The following SHISA9 variants were observed in gnomAD, a reference collection of about 807,000 sequenced individuals.
SHISA9 encodes shisa family member 9, also known as protein shisa-9.
A neutral mutation model predicts 38.0 loss-of-function variants in SHISA9; 13 were observed. That is an observed-to-expected ratio of 0.34 (90% CI 0.22 to 0.54). The LOEUF is 0.54. Ranked by LOEUF, SHISA9 falls within the 20% of genes least tolerant of loss-of-function variation. The pLI is 0.91. For synonymous variants in SHISA9, 275 were observed against 242.0 expected, an observed-to-expected ratio of 1.14 and a Z score of -1.27; for missense variants, 538 against 575.8, an observed-to-expected ratio of 0.93 and a Z score of 0.67.
At chr16:13,225,622 A>C (rs2051271342) in intron 4 of SHISA9, among the ~76,000 whole-genome samples, 1 of 152,194 alleles carries the variant, frequency 6.6e-6, no homozygotes, top group African/African-American at 2.4e-5. Flanking sequence ...TATTACCAAG[A>C]AAGAATGAGT....
intron 2 of SHISA9, among the ~76,000 whole-genome samples, chr16:13,004,112 T>C (rs546253713): frequency 6.6e-6 from 1 of 152,248 alleles, no homozygotes; most frequent in Admixed American, 6.5e-5. Flanking sequence ...TTTCCACCTG[T>C]TGAGGAGGTG....
intron 1 of SHISA9, 145 bp downstream of exon 1, chr16:12,902,772 A>G (rs1376965144): frequency 6.8e-6 from 6 of 888,138 alleles, no homozygotes; most frequent in East Asian, 2.6e-5. Flanking sequence ...CGGGAAGCCA[A>G]CTTCGGCTTG....
At chr16:13,109,620 A>G (rs1038502271) in intron 2 of SHISA9, among the ~76,000 whole-genome samples, 1 of 152,214 alleles carries the variant, frequency 6.6e-6, no homozygotes, top group African/African-American at 2.4e-5. Flanking sequence ...TGCAACTATC[A>G]TGAGCATCCA....
intron 2 of SHISA9, among the ~76,000 whole-genome samples, chr16:13,181,267 T>TTA (rs1156705123): frequency 0.032 from 2,499 of 79,006 alleles, 49 homozygotes; most frequent in Non-Finnish European, 0.045. Context: ...AAATAAAATT[T>TTA]TATATATATA....
At chr16:13,249,909 T>A in the SHISA9 span, among the ~76,000 whole-genome samples, 1 of 152,162 alleles carries the variant, frequency 6.6e-6, no homozygotes, top group African/African-American at 2.4e-5. Context: ...ATTTTTAAAT[T>A]TTTTTGTAGA....
At chr16:12,908,596 G>A in intron 1 of SHISA9, 1 of 1,551,598 alleles carries the variant, frequency 6.4e-7, no homozygotes, top group Non-Finnish European at 8.7e-7. Flanking sequence ...ACGGATCCTT[G>A]GCCGCTAGGC....
chr16:13,047,103 G>T (rs1437211453), intron 2 of SHISA9, among the ~76,000 whole-genome samples: 1 of 152,088 alleles, frequency 6.6e-6, no homozygotes, highest in Admixed American at 6.6e-5. Context: ...AACCGAAAAA[G>T]GCTAGAAGTT....
the SHISA9 span, among the ~76,000 whole-genome samples, chr16:13,257,803 G>T: frequency 6.6e-6 from 1 of 152,140 alleles, no homozygotes; most frequent in Admixed American, 6.5e-5. Context: ...CTACTTAGAA[G>T]CTGATGAAAT....
At chr16:13,037,099 CA>C (rs2073080359) in intron 2 of SHISA9, among the ~76,000 whole-genome samples, 1 of 71,800 alleles carries the variant, frequency 1.4e-5, no homozygotes, top group African/African-American at 6.2e-5. Context: ...CACACACACA[CA>C]CACACACAGA....
chr16:13,372,887 C>A, the SHISA9 span, among the ~76,000 whole-genome samples: 1 of 150,510 alleles, frequency 6.6e-6, no homozygotes, highest in Non-Finnish European at 1.5e-5. Flanking sequence ...TATTAATTGA[C>A]CCTTTCATAT....
chr16:13,394,130 C>T, the SHISA9 span, among the ~76,000 whole-genome samples: 2 of 152,170 alleles, frequency 1.3e-5, no homozygotes, highest in African/African-American at 4.8e-5. Context: ...TTCCACTCAC[C>T]TTCTTGCATT....
chr16:13,422,793 C>T, the SHISA9 span, among the ~76,000 whole-genome samples: 4 of 152,180 alleles, frequency 2.6e-5, no homozygotes, highest in Non-Finnish European at 5.9e-5. Flanking sequence ...GAATGTTGAT[C>T]CTGTAATTTT....
chr16:13,285,473 T>G, the SHISA9 span, among the ~76,000 whole-genome samples: 1 of 149,276 alleles, frequency 6.7e-6, no homozygotes, highest in South Asian at 2.1e-4. Context: ...TTTTTTTTTT[T>G]TTTTTTTTTT....
intron 1 of SHISA9, 128 bp from the exon 2 acceptor site, chr16:12,916,560 C>G: frequency 8.9e-7 from 1 of 1,127,238 alleles, no homozygotes; most frequent in South Asian, 1.7e-5. Context: ...CTACTCCACC[C>G]CTAACTAGAA....
chr16:13,355,166 G>C, the SHISA9 span, among the ~76,000 whole-genome samples: 1 of 149,206 alleles, frequency 6.7e-6, no homozygotes, highest in Non-Finnish European at 1.5e-5. Flanking sequence ...CACAGATACT[G>C]AACTAACTTG....
the SHISA9 span, among the ~76,000 whole-genome samples, chr16:13,340,606 G>A: frequency 3.0e-4 from 46 of 152,296 alleles, no homozygotes; most frequent in Admixed American, 1.6e-3. Flanking sequence ...ACCACAATCC[G>A]GACAGGGGGA....
At chr16:13,412,579 G>A in the SHISA9 span, among the ~76,000 whole-genome samples, 4 of 152,070 alleles carry the variant, frequency 2.6e-5, no homozygotes, top group Admixed American at 6.6e-5. Context: ...AAAGGAGGCC[G>A]GGCATGATGG....
the SHISA9 span, among the ~76,000 whole-genome samples, chr16:13,532,131 A>G: frequency 1.3e-5 from 2 of 152,242 alleles, no homozygotes; most frequent in Non-Finnish European, 2.9e-5. Context: ...CACGAAGAGA[A>G]TGAAAACCAG....
the SHISA9 span, among the ~76,000 whole-genome samples, chr16:13,382,539 A>C: frequency 1.3e-5 from 2 of 150,704 alleles, no homozygotes; most frequent in African/African-American, 4.9e-5. Flanking sequence ...TCAAAAAAAA[A>C]AAAAAAAAAA....
Sources: gnomAD v4.1 joint callset for allele counts (sites outside exome capture counted in the v4.1 genomes callset) on GRCh38, gnomAD v4.1.1 for gene constraint, MANE v1.5 for transcripts, NCBI Gene and HGNC (gene_info 2026-07-23, HGNC 2026-07-21) for gene names.